Variants in ZNF385B observed in about 807,000 individuals in gnomAD.
ZNF385B encodes zinc finger protein 533.
ZNF385B carries 23 observed loss-of-function variants against 39.2 expected under a neutral mutation model. That is an observed-to-expected ratio of 0.59 (90% CI 0.42 to 0.83). The LOEUF (loss-of-function observed/expected upper bound fraction) is 0.83, where lower values mean the gene tolerates loss of function less well. Among genes scored for constraint, ZNF385B ranks in the 40% least tolerant of loss-of-function variants. The pLI is 0.00. For missense variants in ZNF385B, 552 were observed against 598.9 expected (o/e 0.92, Z 0.82); for synonymous variants, 205 against 222.6 (o/e 0.92, Z 0.70).
intron 5 of ZNF385B, among the ~76,000 whole-genome samples, chr2:179,509,372 A>G (rs2057492285): frequency 6.6e-6 from 1 of 152,200 alleles, no homozygotes; most frequent in African/African-American, 2.4e-5. Context: ...TTAATAAGTG[A>G]CTACTATATG....
At chr2:179,819,615 G>A (rs903751237) in intron 1 of ZNF385B, among the ~76,000 whole-genome samples, 1 of 152,146 alleles carries the variant, frequency 6.6e-6, no homozygotes, top group Non-Finnish European at 1.5e-5. Context: ...TGGAAAGATG[G>A]GCAGAACACT....
intron 1 of ZNF385B, among the ~76,000 whole-genome samples, chr2:179,854,950 A>G (rs1684464749): frequency 6.6e-6 from 1 of 152,198 alleles, no homozygotes; most frequent in African/African-American, 2.4e-5. Context: ...ATTCCAAGAG[A>G]AAACAATGAA....
intron 3 of ZNF385B, among the ~76,000 whole-genome samples, chr2:179,679,955 C>T (rs530356194): frequency 1.3e-5 from 2 of 152,208 alleles, no homozygotes; most frequent in African/African-American, 4.8e-5. Context: ...TAGTTTTGAC[C>T]ACAACTAAAC....
intron 1 of ZNF385B, among the ~76,000 whole-genome samples, chr2:179,854,542 G>C (rs1365181200): frequency 6.6e-6 from 1 of 151,806 alleles, no homozygotes; most frequent in African/African-American, 2.4e-5. Context: ...TTAAGCCTAA[G>C]AGGAATTTGA....
chr2:179,612,445 C>T (rs191221907), intron 3 of ZNF385B, among the ~76,000 whole-genome samples: 115 of 150,212 alleles, frequency 7.7e-4, no homozygotes, highest in African/African-American at 2.6e-3. Flanking sequence ...AATTAAGGGG[C>T]ACTCCAAGCC....
chr2:179,616,412 C>G (rs1351530787), intron 3 of ZNF385B, among the ~76,000 whole-genome samples: 3 of 152,188 alleles, frequency 2.0e-5, no homozygotes, highest in Non-Finnish European at 4.4e-5. Context: ...TGGCTCACTG[C>G]AACCTCCACC....
intron 3 of ZNF385B, among the ~76,000 whole-genome samples, chr2:179,674,189 C>A (rs954876601): frequency 1.3e-5 from 2 of 152,014 alleles, no homozygotes; most frequent in African/African-American, 2.4e-5. Context: ...CTACTCTATG[C>A]CTGGTACTAC....
chr2:179,818,252 G>A (rs1241441029), intron 1 of ZNF385B, among the ~76,000 whole-genome samples: 2 of 152,096 alleles, frequency 1.3e-5, no homozygotes, highest in East Asian at 1.9e-4. Context: ...TTGCCTTTCC[G>A]ACATAATGAC....
chr2:179,712,876 T>G (rs1266878415), intron 3 of ZNF385B, among the ~76,000 whole-genome samples: 1 of 152,218 alleles, frequency 6.6e-6, no homozygotes, highest in Non-Finnish European at 1.5e-5. Flanking sequence ...TGTTATGGTG[T>G]AAAAGTGAAT....
At chr2:179,470,866 G>GAAACAAACAAAC (rs56072176) in intron 6 of ZNF385B, among the ~76,000 whole-genome samples, 75,552 of 151,068 alleles carry the variant, frequency 0.5, 19,398 homozygotes, top group East Asian at 0.69. Context: ...GTATGTCCCT[G>GAAACAAACAAAC]AAACAAACAA....
intron 3 of ZNF385B, among the ~76,000 whole-genome samples, chr2:179,621,293 G>T (rs1316531979): frequency 1.3e-5 from 2 of 151,984 alleles, no homozygotes. Flanking sequence ...AGTACACAAA[G>T]GTATAAGAAA....
chr2:179,574,552 A>G (rs909080586), intron 3 of ZNF385B, among the ~76,000 whole-genome samples: 1 of 152,196 alleles, frequency 6.6e-6, no homozygotes, highest in Non-Finnish European at 1.5e-5. Context: ...AAAATAATGA[A>G]TATTGAAGCA....
intron 2 of ZNF385B, 121 bp from the exon 3 acceptor site, chr2:179,769,923 C>T: frequency 1.1e-6 from 1 of 893,808 alleles, no homozygotes; most frequent in Non-Finnish European, 1.7e-6. Context: ...CCAGTGGTTA[C>T]TACTAGAAAA....
chr2:179,465,359 A>C (rs752125030), intron 6 of ZNF385B, among the ~76,000 whole-genome samples: 23 of 152,296 alleles, frequency 1.5e-4, no homozygotes, highest in Non-Finnish European at 2.1e-4. Context: ...TCCTAAATCA[A>C]GAGGTAAATT....
At chr2:179,719,938 T>C (rs568956495) in intron 3 of ZNF385B, among the ~76,000 whole-genome samples, 2 of 152,342 alleles carry the variant, frequency 1.3e-5, no homozygotes, top group East Asian at 3.9e-4. Flanking sequence ...GCTGAGGTTA[T>C]GTTTTCTTCA....
chr2:179,686,517 T>A (rs556708853), intron 3 of ZNF385B, among the ~76,000 whole-genome samples: 1 of 152,330 alleles, frequency 6.6e-6, no homozygotes, highest in South Asian at 2.1e-4. Context: ...TGCTCTTTTA[T>A]ACACTATGTC....
chr2:179,698,374 T>A (rs565530529), intron 3 of ZNF385B, among the ~76,000 whole-genome samples: 2 of 152,310 alleles, frequency 1.3e-5, no homozygotes, highest in African/African-American at 4.8e-5. Context: ...GGTTTTAAAA[T>A]AACCATAATT....
intron 3 of ZNF385B, among the ~76,000 whole-genome samples, chr2:179,739,990 TG>T (rs1364130168): frequency 1.3e-5 from 2 of 152,140 alleles, no homozygotes; most frequent in African/African-American, 4.8e-5. Flanking sequence ...TATTACCCAT[TG>T]TGCAATAATA....
chr2:179,791,029 C>G (rs1318589188), intron 1 of ZNF385B, among the ~76,000 whole-genome samples: 1 of 152,198 alleles, frequency 6.6e-6, no homozygotes, highest in Non-Finnish European at 1.5e-5. Context: ...CCTGTCAGTT[C>G]TGGGTTTGCA....
Sources: allele counts gnomAD v4.1 joint callset (sites outside exome capture counted in the v4.1 genomes callset), GRCh38; gene constraint gnomAD v4.1.1; transcripts MANE v1.5; gene names NCBI Gene and HGNC (gene_info 2026-07-23, HGNC 2026-07-21).